The following DMD variants were observed in gnomAD, a reference collection of about 807,000 sequenced individuals.
The protein encoded by DMD is dystrophin.
A neutral mutation model predicts 330.1 loss-of-function variants in DMD; 63 were observed. That is an observed-to-expected ratio of 0.19 (90% CI 0.16 to 0.24). The LOEUF (loss-of-function observed/expected upper bound fraction) is 0.24. Ranked by LOEUF, DMD falls within the 10% of genes least tolerant of loss-of-function variation. The probability of loss-of-function intolerance (pLI) is 1.00; values close to 1 mark genes in which losing one functional copy is unlikely to be tolerated. For missense variants in DMD, 3,344 were observed against 2,684.1 expected (o/e 1.25, Z -5.43); for synonymous variants, 1,223 against 959.8 (o/e 1.27, Z -5.07).
intron 48 of DMD, among the ~76,000 whole-genome samples, chrX:31,857,373 CA>C (rs1410735357): frequency 3.3e-5 from 2 of 60,174 alleles, no homozygotes; most frequent in Admixed American, 5.1e-4. Context: ...AGCAAGACTC[CA>C]CCTCGGAAAA....
At chrX:31,639,442 A>C (rs1002143282) in intron 54 of DMD, among the ~76,000 whole-genome samples, 4 of 112,127 alleles carry the variant, frequency 3.6e-5, no homozygotes, top group Non-Finnish European at 5.6e-5. Context: ...TGATTTTAAG[A>C]CATTGAATTT....
At position 32,310,188 on chromosome X, in the gene DMD, A is replaced by C; in HGVS notation, c.6011T>G (p.Ile2004Ser). 8.3e-7 allele frequency: 1 copy of C among 1,208,662 alleles called. No homozygotes were observed. The highest frequency in any genetic ancestry group is 1.1e-6 in the Non-Finnish European group (1 of 893,112). ...TAATAGGGCTTGTGAGACATGAGTGATTTCAGTCAAATAAGTAGAAGGCAC... is the reference window on the plus strand; with the variant it reads ...TAATAGGGCTTGTGAGACATGAGTGCTTTCAGTCAAATAAGTAGAAGGCAC... ...SYVPSTYLTE[I>S]THVSQALLEV... is the part of the protein sequence containing the mutation. The change falls in exon 42 of 79, where the codon ATC becomes AGC. Residue 2004 changes from isoleucine (I) to serine (S), a missense_variant. Transcript: ENST00000357033.
At chrX:31,756,287 T>A (rs914724519) in intron 51 of DMD, among the ~76,000 whole-genome samples, 15 of 109,752 alleles carry the variant, frequency 1.4e-4, no homozygotes, top group Non-Finnish European at 2.7e-4. Flanking sequence ...TTTCACAGAA[T>A]AGTTGAAGAC....
chrX:33,079,549 A>G (rs137892142), intron 1 of DMD, among the ~76,000 whole-genome samples: 1,161 of 111,937 alleles, frequency 0.01, 16 homozygotes, highest in African/African-American at 0.035. Context: ...ACACAAATAT[A>G]GCCCCCAAAA....
chrX:32,202,367 T>G (rs1354893720), intron 44 of DMD, among the ~76,000 whole-genome samples: 1 of 112,163 alleles, frequency 8.9e-6, no homozygotes, highest in Non-Finnish European at 1.9e-5. Flanking sequence ...TTTTTATTTC[T>G]TTTGAGACAG....
intron 48 of DMD, among the ~76,000 whole-genome samples, chrX:31,845,047 T>G (rs2093390445): frequency 1.1e-5 from 1 of 92,565 alleles, no homozygotes; most frequent in Non-Finnish European, 2.1e-5. Context: ...TATATATATG[T>G]ATATGTGTGT....
chrX:33,324,547 T>C (rs1171167178), intron 1 of DMD, among the ~76,000 whole-genome samples: 1 of 111,536 alleles, frequency 9.0e-6, no homozygotes, highest in African/African-American at 3.3e-5. Flanking sequence ...GCTCCTTCAA[T>C]CAATTAAAAA....
Position 31,220,190 on chromosome X carries a change from T to C in DMD, c.9361+2857A>G, listed in dbSNP as rs145126683. ...ACACATTTCTTAGAACATATCCCCA[T>C]TGTTAAGCAACACGTGACTGTACAT... On this transcript the variant is annotated intron_variant, in intron 64 of 78. Coordinates refer to ENST00000357033, the MANE Select transcript of DMD (RefSeq NM_004006.3). 5.2e-3 allele frequency among the ~76,000 whole-genome samples: 585 copies of C among 111,561 alleles called. 4 individuals are homozygous for C. The highest frequency in any genetic ancestry group is 0.018 in the African/African-American group (541 of 30,672).
chrX:33,301,216 G>A (rs1471976724), intron 1 of DMD, among the ~76,000 whole-genome samples: 1 of 111,049 alleles, frequency 9.0e-6, no homozygotes, highest in African/African-American at 3.3e-5. Context: ...GTAAAAACCA[G>A]GGCAATTCAC....
intron 76 of DMD, among the ~76,000 whole-genome samples, chrX:31,139,253 A>G (rs2035731291): frequency 9.0e-6 from 1 of 111,592 alleles, no homozygotes; most frequent in African/African-American, 3.3e-5. Context: ...GGAAAACACT[A>G]TGGAGGCTCC....
intron 1 of DMD, among the ~76,000 whole-genome samples, chrX:33,045,349 G>A (rs190775312): frequency 1.2e-4 from 4 of 33,308 alleles, no homozygotes; most frequent in Admixed American, 7.9e-4. Flanking sequence ...CAAGTATTTC[G>A]TGAGATTGTA....
chrX:32,711,230 C>T (rs937183526), intron 7 of DMD, among the ~76,000 whole-genome samples: 1 of 111,733 alleles, frequency 8.9e-6, no homozygotes, highest in African/African-American at 3.3e-5. Flanking sequence ...CTTGGTATAG[C>T]TTCCAGTTCT....
At chrX:32,972,178 A>AT (rs1012808065) in intron 2 of DMD, among the ~76,000 whole-genome samples, 1 of 110,565 alleles carries the variant, frequency 9.0e-6, no homozygotes, top group Admixed American at 9.7e-5. Context: ...CTCGCTTATA[A>AT]TTTTTTTGGT....
At position 32,679,100 on chromosome X, in the gene DMD, C is replaced by T. The variant is rs377449285; in HGVS notation, c.960+18770G>A. On this transcript the variant is annotated intron_variant, in intron 9 of 78. Transcript: ENST00000357033. ...AATCTTACAAAAATATAGGACAGTG[C>T]CTAATTATCTGAGTGATTAATATTG... Among the ~76,000 whole-genome samples, 3 of 111,359 alleles carry T rather than the reference C, an allele frequency of 2.7e-5. No homozygotes were observed. In the South Asian group the frequency reaches 1.1e-3, roughly 41 times the overall value.
chrX:32,432,391 G>T (rs374256094), intron 29 of DMD, among the ~76,000 whole-genome samples: 1 of 111,761 alleles, frequency 8.9e-6, no homozygotes, highest in Non-Finnish European at 1.9e-5. Context: ...GTTACGGCAT[G>T]ACTTCAGTTT....
At chrX:32,353,496 T>C (rs1309091340) in intron 37 of DMD, among the ~76,000 whole-genome samples, 1 of 111,545 alleles carries the variant, frequency 9.0e-6, no homozygotes, top group Non-Finnish European at 1.9e-5. Context: ...ATCATCTTAA[T>C]TATTGGGTAA....
chrX:32,804,542 T>G (rs898174600), intron 7 of DMD, among the ~76,000 whole-genome samples: 66 of 112,423 alleles, frequency 5.9e-4, no homozygotes, highest in Admixed American at 2.8e-4. Context: ...CAGCTGTGGG[T>G]GCAGCATCAG....
chrX:32,712,119 AATGC>A (rs2065241671), intron 7 of DMD, among the ~76,000 whole-genome samples: 1 of 111,957 alleles, frequency 8.9e-6, no homozygotes, highest in Admixed American at 9.5e-5. Flanking sequence ...TAATTTCAGT[AATGC>A]ATGTATTCAT....
intron 68 of DMD, among the ~76,000 whole-genome samples, chrX:31,181,222 C>G (rs373376680): frequency 8.9e-6 from 1 of 111,841 alleles, no homozygotes; most frequent in Non-Finnish European, 1.9e-5. Context: ...TTTGCTTTCT[C>G]AGATAAGAAC....
Sources: gnomAD v4.1 joint callset for allele counts (sites outside exome capture counted in the v4.1 genomes callset) on GRCh38, gnomAD v4.1.1 for gene constraint, MANE v1.5 for transcripts, NCBI Gene and HGNC (gene_info 2026-07-23, HGNC 2026-07-21) for gene names.